The following PXDC1 variants were observed in gnomAD, a reference collection of about 807,000 sequenced individuals.
PXDC1 encodes the protein PX domain-containing protein 1.
In PXDC1, 13 loss-of-function variants were observed where a neutral mutation model predicts 24.4. That is an observed-to-expected ratio of 0.53 (90% CI 0.35 to 0.85). The LOEUF (loss-of-function observed/expected upper bound fraction) is 0.85. Ranked by LOEUF, PXDC1 falls within the 40% of genes least tolerant of loss-of-function variation. PXDC1 has a pLI of 0.01. For missense variants in PXDC1, 344 were observed against 309.3 expected, an observed-to-expected ratio of 1.11 and a Z score of -0.84; for synonymous variants, 162 against 124.9, an observed-to-expected ratio of 1.30 and a Z score of -1.98.
chr6:3,733,372 C>G (rs917716738), intron 3 of PXDC1, among the ~76,000 whole-genome samples: 13 of 152,124 alleles, frequency 8.5e-5, no homozygotes, highest in African/African-American at 3.1e-4. Flanking sequence ...GATGTTGGGG[C>G]TATTTATTGT....
chr6:3,723,854 G>A (rs953233288), intron 4 of PXDC1, 118 bp from the exon 5 acceptor site: 19 of 743,712 alleles, frequency 2.6e-5, no homozygotes, highest in Non-Finnish European at 4.0e-5. Flanking sequence ...AAAAAACCAC[G>A]GCTACAAATG....
chr6:3,747,852 G>A (rs1760605251), intron 1 of PXDC1, among the ~76,000 whole-genome samples: 1 of 151,886 alleles, frequency 6.6e-6, no homozygotes, highest in South Asian at 2.1e-4. Flanking sequence ...GTTCACTGCT[G>A]TGCCACCATC....
Position 3,737,127 on chromosome 6 carries a change from TATC to T in PXDC1, c.415_417del (p.Asp139del). On this transcript the variant is annotated inframe_deletion, in exon 3 of 5. Transcript: ENST00000380283. The surrounding 1 kb of genome is among the most constrained non-coding windows in gnomAD (Gnocchi z 5.5). ...AAGCTGGGTTGAATTTTATGCACAT[TATC>T]ATTTTTTAACACCTGATCCAGAGGA... 1 of 1,613,904 alleles carries T rather than the reference TATC, an allele frequency of 6.2e-7. No homozygotes were observed.
intron 1 of PXDC1, among the ~76,000 whole-genome samples, chr6:3,744,792 G>A (rs184944889): frequency 1.3e-5 from 2 of 152,340 alleles, no homozygotes; most frequent in East Asian, 3.9e-4. Context: ...CCGCTTCCAG[G>A]GTTCAAGTGA....
At chr6:3,750,337 C>T (rs1760674468) in intron 1 of PXDC1, among the ~76,000 whole-genome samples, 2 of 152,194 alleles carry the variant, frequency 1.3e-5, no homozygotes, top group African/African-American at 4.8e-5. Context: ...GCCACTGTCC[C>T]AATGTTCCGA....
intron 1 of PXDC1, among the ~76,000 whole-genome samples, chr6:3,739,679 C>T (rs747703036): frequency 1.8e-4 from 28 of 152,216 alleles, no homozygotes; most frequent in Non-Finnish European, 3.7e-4. Flanking sequence ...CCCCACACGC[C>T]GGGGCAAGCA....
intron 1 of PXDC1, among the ~76,000 whole-genome samples, chr6:3,750,699 G>A (rs916082728): frequency 1.2e-4 from 18 of 152,154 alleles, no homozygotes; most frequent in Admixed American, 3.9e-4. Context: ...GTGCGGGGGG[G>A]CCCTGGCTGT....
At position 3,751,378 on chromosome 6, in the gene PXDC1, A is replaced by G. The variant is rs1760714419; in HGVS notation, c.154T>C (p.Tyr52His). The G allele has an allele frequency of 6.4e-7, 1 of 1,565,502 alleles. No homozygotes were observed. Among genetic ancestry groups the G allele is most frequent in the Non-Finnish European group, 8.6e-7 (1 of 1,156,792 alleles). Residue 52 changes from tyrosine (Y) to histidine (H), a missense_variant, in exon 1 of 5, where the codon TAC becomes CAC. Tyr to His is a moderately conservative substitution (Grantham distance 83). Transcript: ENST00000380283. Reference protein sequence around the residue: ...RTEWSDRSVLYLHRSLADLGR... With the variant: ...RTEWSDRSVLHLHRSLADLGR... ...AGGTCCGCCAGGCTGCGGTGCAGGT[A>G]GAGCACGCTGCGGTCCGACCACTCC...
At chr6:3,749,654 G>C (rs143995489) in intron 1 of PXDC1, among the ~76,000 whole-genome samples, 14 of 151,962 alleles carry the variant, frequency 9.2e-5, no homozygotes, top group African/African-American at 2.2e-4. Flanking sequence ...GCAGCTGATG[G>C]GACGGTAACA....
chr6:3,750,693 G>C (rs928943325), intron 1 of PXDC1, among the ~76,000 whole-genome samples: 1 of 152,040 alleles, frequency 6.6e-6, no homozygotes, highest in African/African-American at 2.4e-5. Context: ...GCGGGGGTGC[G>C]GGGGGGCCCT....
At chr6:3,750,968 C>A in intron 1 of PXDC1, 2 of 344,146 alleles carry the variant, frequency 5.8e-6, no homozygotes, top group Non-Finnish European at 1.1e-5. Flanking sequence ...CCCCGGGCGC[C>A]CCCGCCCTCC....
rs755758418 is a variant in PXDC1, at chr6:3,724,289, G to T, written c.579-553C>A. 6.6e-6 allele frequency among the ~76,000 whole-genome samples: 1 copy of T among 152,058 alleles called. No individual in the cohort carries two copies. The highest frequency in any genetic ancestry group is 1.5e-5 in the Non-Finnish European group (1 of 68,002). Reference sequence around the variant, plus strand: ...CTGCATGTGGGTACGTGTTTCATTCGCGCTCTGGCAGATGAGAAGCATCCG... The same window carrying T: ...CTGCATGTGGGTACGTGTTTCATTCTCGCTCTGGCAGATGAGAAGCATCCG... On this transcript the variant is annotated intron_variant, in intron 4 of 4. Transcript: ENST00000380283. This position sits in a 1 kb window ranked among gnomAD's most constrained non-coding sequence, Gnocchi z 4.5.
chr6:3,725,963 C>G lies in PXDC1; in HGVS notation c.578+1588G>C, dbSNP rs1437740778. 7.5e-6 allele frequency among the ~76,000 whole-genome samples: 1 copy of G among 133,338 alleles called. No individual in the cohort carries two copies. The highest frequency in any genetic ancestry group is 1.8e-5 in the Non-Finnish European group (1 of 56,408). The allele number at this position is 133,338 out of a possible 152,430, so 87.5% of individuals were successfully genotyped here. On this transcript the variant is annotated intron_variant, in intron 4 of 4. Transcript: ENST00000380283. This position sits in a 1 kb window ranked among gnomAD's most constrained non-coding sequence, Gnocchi z 4.8. ...AGGTGGCCGCCTATTCAAGACCTGT[C>G]ACTCCTGTGCACATGCAGTCAGTCC...
chr6:3,723,758 G>A (rs534031017), intron 4 of PXDC1, 22 bp from the exon 5 acceptor site: 2 of 1,593,232 alleles, frequency 1.3e-6, no homozygotes, highest in South Asian at 2.2e-5. Context: ...GAAACCAGAG[G>A]TGAGGGGTGG....
At chr6:3,729,306 C>A (rs925273418) in intron 3 of PXDC1, among the ~76,000 whole-genome samples, 1 of 152,106 alleles carries the variant, frequency 6.6e-6, no homozygotes, top group African/African-American at 2.4e-5. Context: ...AGGGAAATTA[C>A]ACAAAAATGA....
At position 3,737,269 on chromosome 6, in the gene PXDC1, G is replaced by A; in HGVS notation, c.349-73C>T. 9.4e-7 allele frequency: 1 copy of A among 1,062,002 alleles called. No homozygotes were observed. The highest frequency in any genetic ancestry group is 2.4e-5 in the East Asian group (1 of 42,134). 65.8% of individuals were successfully genotyped at this position (1,062,002 alleles called of 1,614,324 possible). On this transcript the variant is annotated intron_variant, in intron 2 of 4. Coordinates refer to ENST00000380283, the MANE Select transcript of PXDC1 (RefSeq NM_183373.4). The surrounding 1 kb of genome is among the most constrained non-coding windows in gnomAD (Gnocchi z 5.5). Reference sequence around the variant, plus strand: ...TGGCCCTGTCTGTCTACCAAGAGAGGGCCCCGCTCCTCCGCAGAGGCAGCC... The same window carrying A: ...TGGCCCTGTCTGTCTACCAAGAGAGAGCCCCGCTCCTCCGCAGAGGCAGCC...
At position 3,725,783 on chromosome 6, in the gene PXDC1, C is replaced by A. The variant is rs1205306539; in HGVS notation, c.578+1768G>T. Among the ~76,000 whole-genome samples the A allele has an allele frequency of 3.9e-5, 6 of 152,202 alleles. No homozygotes were observed. The highest frequency in any genetic ancestry group is 1.4e-4 in the African/African-American group (6 of 41,460). On this transcript the variant is annotated intron_variant, in intron 4 of 4. Transcript: ENST00000380283. This position sits in a 1 kb window ranked among gnomAD's most constrained non-coding sequence, Gnocchi z 4.8. ...TGGACCATCGACTCCACTGCACTGC[C>A]CGAGATTGAGGAGCCAGAGAAAGGC...
chr6:3,740,981 C>T (rs550520992), intron 1 of PXDC1, among the ~76,000 whole-genome samples: 42 of 152,384 alleles, frequency 2.8e-4, no homozygotes, highest in Non-Finnish European at 4.6e-4. Flanking sequence ...GCCAGGGATG[C>T]GATGTTCGCT....
intron 1 of PXDC1, 98 bp downstream of exon 1, chr6:3,751,175 AAGG>A (rs1307956478): frequency 4.3e-6 from 4 of 939,432 alleles, no homozygotes; most frequent in African/African-American, 3.5e-5. Context: ...GGCGGGCAGA[AAGG>A]AGAAGTCGCA....
Sources: gnomAD v4.1 joint callset for allele counts (sites outside exome capture counted in the v4.1 genomes callset) on GRCh38, gnomAD v4.1.1 for gene constraint, Gnocchi (gnomAD v3.1) non-coding constraint, MANE v1.5 for transcripts, NCBI Gene and HGNC (gene_info 2026-07-23, HGNC 2026-07-21) for gene names.